The following FCHO1 variants were observed in gnomAD, a reference collection of about 807,000 sequenced individuals.
FCHO1 encodes the protein FCH and mu domain containing endocytic adaptor 1.
In FCHO1, 45 loss-of-function variants were observed where a neutral mutation model predicts 114.4. The ratio of observed to expected loss-of-function variants is 0.39; its 90% CI spans 0.31 to 0.50. The LOEUF (loss-of-function observed/expected upper bound fraction) is 0.50. Ranked by LOEUF, FCHO1 falls within the 20% of genes least tolerant of loss-of-function variation. FCHO1 has a pLI of 0.77. For synonymous variants in FCHO1, 480 were observed against 488.9 expected (o/e 0.98, Z 0.24); for missense variants, 1,042 against 1,209.6 (o/e 0.86, Z 2.06).
intron 1 of FCHO1, among the ~76,000 whole-genome samples, chr19:17,752,668 G>A (rs550906144): frequency 1.1e-3 from 167 of 150,980 alleles, no homozygotes; most frequent in Non-Finnish European, 2.0e-3. Context: ...GGGGTCCCAG[G>A]CAGGAGGATG....
chr19:17,764,082 C>G (rs1213839861), intron 5 of FCHO1, among the ~76,000 whole-genome samples: 1 of 151,768 alleles, frequency 6.6e-6, no homozygotes, highest in Non-Finnish European at 1.5e-5. Flanking sequence ...CTTTGTCACC[C>G]AAGCTGGAGT....
chr19:17,766,574 G>C, intron 6 of FCHO1, 95 bp from the exon 7 acceptor site: 2 of 1,483,632 alleles, frequency 1.3e-6, no homozygotes, highest in Non-Finnish European at 1.8e-6. Context: ...TGTTTAGCAG[G>C]GCTCAGCGTG....
chr19:17,778,497 TTGAA>T (rs2092939348), intron 19 of FCHO1, 108 bp from the exon 20 acceptor site: 7 of 1,300,286 alleles, frequency 5.4e-6, no homozygotes, highest in Non-Finnish European at 7.2e-6. Flanking sequence ...CACAAGGACT[TTGAA>T]TGGGGGCCCC....
intron 6 of FCHO1, among the ~76,000 whole-genome samples, chr19:17,765,707 G>A (rs2088681479): frequency 6.6e-6 from 1 of 151,690 alleles, no homozygotes; most frequent in Non-Finnish European, 1.5e-5. Context: ...AACACATAAT[G>A]TGGTCCCCCG....
intron 4 of FCHO1, among the ~76,000 whole-genome samples, chr19:17,757,020 CT>C (rs2083808143): frequency 6.6e-6 from 1 of 151,928 alleles, no homozygotes; most frequent in South Asian, 2.1e-4. Context: ...AAGACCCCAT[CT>C]CTACTAAAAA....
In FCHO1 at chr19:17,783,992, G is replaced by T. The variant is rs952735778; in HGVS notation, c.2094-111G>T. 1.3e-5 allele frequency: 18 copies of T among 1,344,138 alleles called. No individual in the cohort carries two copies. The African/African-American group carries it at 2.3e-4, about 17-fold the overall frequency. The allele number at this position is 1,344,138 out of a possible 1,614,324, so 83.3% of individuals were successfully genotyped here. A position where few individuals can be genotyped will look rare whatever the true frequency, so the allele number is the denominator to read the frequency against. ...ACAACCACCCAGGTAGGGCTTTGCTGGGCCCAGGGTGGGCCAGGAAATTGC... is the reference window on the plus strand; with the variant it reads ...ACAACCACCCAGGTAGGGCTTTGCTTGGCCCAGGGTGGGCCAGGAAATTGC... On this transcript the variant is annotated intron_variant, in intron 24 of 28. Coordinates refer to ENST00000596536, the MANE Select transcript of FCHO1 (RefSeq NM_015122.3).
Position 17,775,488 on chromosome 19 carries a change from T to C in FCHO1, c.978T>C (p.Thr326=). ...CAGAGGTGGATGAAGAAGGTTTCAC[T>C]GTCCGGCCTGATGTGACCCAGAACA... is the stretch of plus-strand genomic sequence containing the variant. ...TCPEVDEEGF[T]VRPDVTQNST... The change falls in exon 15 of 29, where the codon ACT becomes ACC. Residue 326 remains threonine, a synonymous_variant. Transcript: ENST00000596536. This position sits in a 1 kb window ranked among gnomAD's most constrained non-coding sequence, Gnocchi z 5.1. 6.2e-7 allele frequency: 1 copy of C among 1,613,996 alleles called. No individual in the cohort carries two copies. Among genetic ancestry groups the C allele is most frequent in the Non-Finnish European group, 8.5e-7 (1 of 1,179,980 alleles).
intron 26 of FCHO1, among the ~76,000 whole-genome samples, chr19:17,785,374 C>CCA (rs1332448172): frequency 6.6e-6 from 1 of 152,156 alleles, no homozygotes; most frequent in African/African-American, 2.4e-5. Context: ...GTGCCTGCTA[C>CCA]CACACCCAGC....
Position 17,775,522 on chromosome 19 carries a change from C to G in FCHO1, c.1003+9C>G, listed in dbSNP as rs1333185225. On this transcript the variant is annotated intron_variant, in intron 15 of 28. Coordinates refer to ENST00000596536, the MANE Select transcript of FCHO1 (RefSeq NM_015122.3). The surrounding 1 kb of genome is among the most constrained non-coding windows in gnomAD (Gnocchi z 5.1). ...TGATGTGACCCAGAACAATATCCTT[C>G]TGGCACCCCCTGGGGGCAGTTGTTG... The G allele has an allele frequency of 6.2e-7, 1 of 1,613,388 alleles. No individual in the cohort carries two copies. The highest frequency in any genetic ancestry group is 8.5e-7 in the Non-Finnish European group (1 of 1,179,488).
At chr19:17,780,967 G>A (rs2093348883) in intron 20 of FCHO1, among the ~76,000 whole-genome samples, 1 of 152,226 alleles carries the variant, frequency 6.6e-6, no homozygotes, top group Non-Finnish European at 1.5e-5. Context: ...TGCGTCTTAA[G>A]CCTTCAGTGC....
At chr19:17,750,990 G>T (rs1209235115), upstream of FCHO1, among the ~76,000 whole-genome samples, 2 of 151,342 alleles carry the variant, frequency 1.3e-5, no homozygotes, top group Non-Finnish European at 3.0e-5. Context: ...TACAGGCATG[G>T]GCCACCACGC....
chr19:17,768,958 G>A (rs900951457), intron 7 of FCHO1, among the ~76,000 whole-genome samples: 2 of 147,204 alleles, frequency 1.4e-5, no homozygotes, highest in African/African-American at 2.5e-5. Context: ...AGACCAGTTT[G>A]GGCAACACAG....
At chr19:17,772,304 A>C (rs535395442) in intron 9 of FCHO1, among the ~76,000 whole-genome samples, 153 bp from the exon 10 acceptor site, 1 of 152,310 alleles carries the variant, frequency 6.6e-6, no homozygotes, top group African/African-American at 2.4e-5. Context: ...CTGTAGAGTC[A>C]ATGAAAGTCC....
At chr19:17,758,688 T>G (rs1436035668) in intron 4 of FCHO1, 1 of 152,178 alleles carries the variant, frequency 6.6e-6, no homozygotes, top group Non-Finnish European at 1.5e-5. Context: ...CCTTCAGGCT[T>G]CTGGCCAAGT....
chr19:17,779,647 G>A (rs58310663), intron 20 of FCHO1, among the ~76,000 whole-genome samples: 50 of 124,236 alleles, frequency 4.0e-4, no homozygotes, highest in African/African-American at 1.3e-3. Context: ...ATGGGGAAGG[G>A]GCGGAGTCAA....
At position 17,775,369 on chromosome 19, in the gene FCHO1, G is replaced by A; in HGVS notation, c.946-87G>A. 7.3e-7 allele frequency: 1 copy of A among 1,371,170 alleles called. No individual in the cohort carries two copies. The highest frequency in any genetic ancestry group is 1.0e-6 in the Non-Finnish European group (1 of 960,174). The allele number at this position is 1,371,170 out of a possible 1,614,324, so 84.9% of individuals were successfully genotyped here. A position where few individuals can be genotyped will look rare whatever the true frequency, so the allele number is the denominator to read the frequency against. On this transcript the variant is annotated intron_variant, in intron 14 of 28. Coordinates refer to ENST00000596536, the MANE Select transcript of FCHO1 (RefSeq NM_015122.3). This position sits in a 1 kb window ranked among gnomAD's most constrained non-coding sequence, Gnocchi z 5.1. ...GTTTTGAGGTCTGAGTCAAGGCCTGGGGGCAGGGCGGGGGGCGGTTGGCAG... is the reference window on the plus strand; with the variant it reads ...GTTTTGAGGTCTGAGTCAAGGCCTGAGGGCAGGGCGGGGGGCGGTTGGCAG...
Position 17,788,273 on chromosome 19 carries a change from C to A in FCHO1, c.2648-11C>A, listed in dbSNP as rs1286243332. ...TCCCCACCCCTCCCCCTCACAGCTG[C>A]ACCCCCACAGGGATGTACCTGGTGA... On this transcript the variant is annotated splice_polypyrimidine_tract_variant and intron_variant, in intron 28 of 28. Transcript: ENST00000596536. 1 of 1,271,676 alleles carries A rather than the reference C, an allele frequency of 7.9e-7. No homozygotes were observed. The allele number at this position is 1,271,676 out of a possible 1,614,324, so 78.8% of individuals were successfully genotyped here.
Position 17,781,487 on chromosome 19 carries a change from A to G in FCHO1, c.1776A>G (p.Ser592=), listed in dbSNP as rs776750350. The G allele has an allele frequency of 6.2e-7, 1 of 1,613,874 alleles. No homozygotes were observed. The highest frequency in any genetic ancestry group is 8.5e-7 in the Non-Finnish European group (1 of 1,179,952). ...TGAGCCCCTCCCCACTGGGCTCTTCAGCCGCCAGCACTGCCTTGGAACGGC... is the reference window on the plus strand; with the variant it reads ...TGAGCCCCTCCCCACTGGGCTCTTCGGCCGCCAGCACTGCCTTGGAACGGC... The part of the protein sequence containing the change: ...RSLSPSPLGS[S]AASTALERPS... Residue 592 remains serine, a synonymous_variant, in exon 22 of 29, where the codon TCA becomes TCG. Transcript: ENST00000596536.
Position 17,787,640 on chromosome 19 carries a change from G to A in FCHO1, c.2483-42G>A, listed in dbSNP as rs201861462. On this transcript the variant is annotated intron_variant, in intron 27 of 28. Coordinates refer to ENST00000596536, the MANE Select transcript of FCHO1 (RefSeq NM_015122.3). ...GATGAGCCTGGTTCACAGCTGGGACGGGGGCTGGTGCCAGGGCGCAGCTGA... is the reference window on the plus strand; with the variant it reads ...GATGAGCCTGGTTCACAGCTGGGACAGGGGCTGGTGCCAGGGCGCAGCTGA... 5.0e-5 allele frequency: 76 copies of A among 1,519,326 alleles called. No individual in the cohort carries two copies. In the African/African-American group the frequency reaches 5.8e-4, roughly 12 times the overall value. The allele number at this position is 1,519,326 out of a possible 1,614,324, so 94.1% of individuals were successfully genotyped here.
Sources: allele counts gnomAD v4.1 joint callset (sites outside exome capture counted in the v4.1 genomes callset), GRCh38; gene constraint gnomAD v4.1.1; non-coding constraint Gnocchi (gnomAD v3.1); transcripts MANE v1.5; gene names NCBI Gene and HGNC (gene_info 2026-07-23, HGNC 2026-07-21).